Variants in DOCK1 observed in about 807,000 individuals in gnomAD.
DOCK1 encodes dedicator of cytokinesis 1, also known as dedicator of cytokinesis protein 1.
A neutral mutation model predicts 262.7 loss-of-function variants in DOCK1; 138 were observed. The observed-to-expected ratio is 0.53, with a 90% CI of 0.46 to 0.61. DOCK1 has a LOEUF of 0.61. DOCK1 is among the 20% of genes least tolerant of loss of function. The probability of loss-of-function intolerance (pLI) is 0.00; values close to 1 mark genes in which losing one functional copy is unlikely to be tolerated. For synonymous variants in DOCK1, 866 were observed against 867.4 expected (o/e 1.00, Z 0.03); for missense variants, 1,908 against 2,370.7 (o/e 0.80, Z 4.05).
chr10:127,059,646 T>C (rs1220542547), intron 22 of DOCK1, among the ~76,000 whole-genome samples: 2 of 152,236 alleles, frequency 1.3e-5, no homozygotes, highest in African/African-American at 4.8e-5. Context: ...AGTTGATTTT[T>C]TCATAGATTC....
At chr10:127,317,445 G>A (rs762434055) in intron 29 of DOCK1, among the ~76,000 whole-genome samples, 11 of 152,330 alleles carry the variant, frequency 7.2e-5, no homozygotes, top group Non-Finnish European at 1.2e-4. Context: ...ATTTGCAGGT[G>A]TGCAACCTGG....
At chr10:127,358,062 T>C (rs931223391) in intron 32 of DOCK1, among the ~76,000 whole-genome samples, 3 of 152,148 alleles carry the variant, frequency 2.0e-5, no homozygotes, top group Non-Finnish European at 4.4e-5. Flanking sequence ...ATTGGCAGGA[T>C]GATAGCACCG....
intron 10 of DOCK1, among the ~76,000 whole-genome samples, chr10:127,003,543 G>A (rs946940870): frequency 6.6e-6 from 1 of 152,200 alleles, no homozygotes; most frequent in African/African-American, 2.4e-5. Flanking sequence ...TACATGCCCT[G>A]GGTGGGGATG....
At chr10:127,295,021 G>T (rs2061460833) in intron 29 of DOCK1, among the ~76,000 whole-genome samples, 1 of 152,144 alleles carries the variant, frequency 6.6e-6, no homozygotes, top group Admixed American at 6.5e-5. Context: ...GCTTTGGGAG[G>T]CCTAGGTGGG....
chr10:126,987,275 T>C (rs9418820), intron 4 of DOCK1, among the ~76,000 whole-genome samples: 99,330 of 152,054 alleles, frequency 0.65, 32,851 homozygotes, highest in East Asian at 0.79. Flanking sequence ...TTCATCTTAC[T>C]TTGACGTATG....
rs371126639 is a variant in DOCK1 at position 127,106,234 on chromosome 10, G to A, written c.2449G>A (p.Ala817Thr). 70 of 1,584,674 alleles carry A rather than the reference G, an allele frequency of 4.4e-5. No individual in the cohort carries two copies. Among genetic ancestry groups the A allele is most frequent in the Non-Finnish European group, 5.5e-5 (64 of 1,163,656 alleles). Residue 817 changes from alanine to threonine, a missense_variant, in exon 24 of 52, where the codon GCA (alanine) becomes ACA (threonine). By Grantham distance (58) the Ala-to-Thr change is moderately conservative (BLOSUM62 0). Transcript: ENST00000623213. ...MSDQTVRVKG[A>T]ALKYLPTIVN... ...CTTCTTGTTTCTTGATTTGCAGGGG[G>A]CAGCACTGAAATACTTACCAACGAT...
intron 27 of DOCK1, among the ~76,000 whole-genome samples, chr10:127,194,567 G>T (rs2056967689): frequency 6.6e-6 from 1 of 152,158 alleles, no homozygotes; most frequent in Non-Finnish European, 1.5e-5. Context: ...CTTAATAAGG[G>T]TTATATCATT....
chr10:126,964,064 C>T (rs1483525907), intron 1 of DOCK1, among the ~76,000 whole-genome samples: 1 of 152,152 alleles, frequency 6.6e-6, no homozygotes, highest in Non-Finnish European at 1.5e-5. Context: ...ATCACATTCT[C>T]GCTAGTAGTA....
At chr10:127,418,085 G>C (rs730160) in intron 44 of DOCK1, among the ~76,000 whole-genome samples, 14,177 of 152,138 alleles carry the variant, frequency 0.093, 775 homozygotes, top group South Asian at 0.16. Flanking sequence ...AGCACTCAAG[G>C]CTGCGTGTTT....
chr10:126,959,732 T>C (rs1430528867), intron 1 of DOCK1, among the ~76,000 whole-genome samples: 1 of 152,172 alleles, frequency 6.6e-6, no homozygotes, highest in Non-Finnish European at 1.5e-5. Context: ...TTTCTGGACA[T>C]AGGGGTTGGA....
intron 27 of DOCK1, among the ~76,000 whole-genome samples, chr10:127,206,136 C>CTTTTTTTTTTT (rs34450374): frequency 7.6e-5 from 6 of 78,626 alleles, no homozygotes; most frequent in Non-Finnish European, 1.1e-4. Context: ...TTCTTCTTCT[C>CTTTTTTTTTTT]TTTTTTTTTT....
intron 1 of DOCK1, among the ~76,000 whole-genome samples, chr10:126,926,572 A>G (rs958973190): frequency 6.6e-6 from 1 of 152,222 alleles, no homozygotes; most frequent in African/African-American, 2.4e-5. Context: ...CCTAACCCTT[A>G]GTGCCTCAGA....
intron 27 of DOCK1, among the ~76,000 whole-genome samples, chr10:127,244,743 A>G (rs952089750): frequency 6.6e-6 from 1 of 152,070 alleles, no homozygotes; most frequent in Non-Finnish European, 1.5e-5. Context: ...TATAAGGAAT[A>G]TGTCTTATTT....
chr10:127,207,036 C>A lies in DOCK1; in HGVS notation c.2848-40972C>A, dbSNP rs1216796150. Among the ~76,000 whole-genome samples the A allele has an allele frequency of 2.6e-5, 4 of 152,124 alleles. No homozygotes were observed. The East Asian group carries it at 7.7e-4, about 29-fold the overall frequency. ...TTTTTCTTGGCAGTGGAGGTGTAAT[C>A]TCTCCCAAAACCTGCCTGCACTTCA... On this transcript the variant is annotated intron_variant, in intron 27 of 51. Transcript: ENST00000623213.
intron 1 of DOCK1, among the ~76,000 whole-genome samples, chr10:126,909,628 T>A (rs1259730981): frequency 2.0e-5 from 3 of 152,182 alleles, no homozygotes; most frequent in Non-Finnish European, 4.4e-5. Flanking sequence ...GGCACTGCTC[T>A]TACTCATAAT....
At chr10:127,177,077 C>T (rs2055231053) in intron 27 of DOCK1, 1 of 151,852 alleles carries the variant, frequency 6.6e-6, no homozygotes, top group Non-Finnish European at 1.5e-5. Flanking sequence ...GGTTTCCCTG[C>T]ATCTACAAAG....
At chr10:126,961,496 C>T (rs941035616) in intron 1 of DOCK1, among the ~76,000 whole-genome samples, 2 of 152,140 alleles carry the variant, frequency 1.3e-5, no homozygotes, top group Non-Finnish European at 2.9e-5. Context: ...TTCGTCCTCC[C>T]AGCCTCTGGC....
chr10:127,261,385 GTACCTGCA>G, intron 29 of DOCK1, among the ~76,000 whole-genome samples: 1 of 140,894 alleles, frequency 7.1e-6, no homozygotes, highest in Non-Finnish European at 1.5e-5. Flanking sequence ...GGGTGTGTGT[GTACCTGCA>G]TGTGTGTGCA....
At chr10:127,078,936 T>C (rs1232521773) in intron 23 of DOCK1, among the ~76,000 whole-genome samples, 1 of 152,218 alleles carries the variant, frequency 6.6e-6, no homozygotes, top group Non-Finnish European at 1.5e-5. Flanking sequence ...GCTGTTGTTT[T>C]TGTCTTCTCC....
Sources: allele counts gnomAD v4.1 joint callset (sites outside exome capture counted in the v4.1 genomes callset), GRCh38; gene constraint gnomAD v4.1.1; transcripts MANE v1.5; gene names NCBI Gene and HGNC (gene_info 2026-07-23, HGNC 2026-07-21).